The following OTOA variants were observed in gnomAD, a reference collection of about 807,000 sequenced individuals.
OTOA encodes cancer/testis antigen 108.
OTOA carries 70 observed loss-of-function variants against 110.8 expected under a neutral mutation model. That is an observed-to-expected ratio of 0.63 (90% CI 0.52 to 0.77). OTOA has a LOEUF of 0.77. Among genes scored for constraint, OTOA ranks in the 30% least tolerant of loss-of-function variants. The pLI is 0.00. For synonymous variants in OTOA, 373 were observed against 431.5 expected (o/e 0.86, Z 1.68); for missense variants, 917 against 1,075.8 (o/e 0.85, Z 2.06).
intron 9 of OTOA, among the ~76,000 whole-genome samples, chr16:21,695,891 A>ATAT (rs569493650): frequency 6.0e-4 from 25 of 41,898 alleles, no homozygotes; most frequent in South Asian, 1.1e-3. Context: ...ATATATATAT[A>ATAT]TTTTTTTTTT....
At chr16:21,699,777 G>A (rs1260990647) in intron 10 of OTOA, among the ~76,000 whole-genome samples, 1 of 151,958 alleles carries the variant, frequency 6.6e-6, no homozygotes, top group African/African-American at 2.4e-5. Context: ...AAATTAGCCG[G>A]GCATGTTTGC....
chr16:21,707,968 A>G (rs1314334539), intron 12 of OTOA, among the ~76,000 whole-genome samples: 2 of 151,282 alleles, frequency 1.3e-5, no homozygotes, highest in Non-Finnish European at 2.9e-5. Context: ...TATTTATTGT[A>G]TTTGTAGTAG....
Position 21,719,510 on chromosome 16 carries a change from G to T in OTOA, c.1806+6G>T. Reference sequence around the variant, plus strand: ...CCCTGCTTTCACCCTATCAGGTACCGTTAAAGCATTTTCCAGCTTCTAATT... The same window carrying T: ...CCCTGCTTTCACCCTATCAGGTACCTTTAAAGCATTTTCCAGCTTCTAATT... On this transcript the variant is annotated splice_donor_region_variant and intron_variant, in intron 17 of 28. Coordinates refer to ENST00000646100, the MANE Select transcript of OTOA (RefSeq NM_144672.4). The T allele has an allele frequency of 6.2e-7, 1 of 1,611,712 alleles. No homozygotes were observed.
At chr16:21,705,105 T>C in intron 11 of OTOA, 64 bp from the exon 12 acceptor site, 1 of 1,612,674 alleles carries the variant, frequency 6.2e-7, no homozygotes, top group Non-Finnish European at 8.5e-7. Flanking sequence ...TTACACAAAA[T>C]TGAACCAGAA....
chr16:21,723,995 A>C (rs1043715875), intron 18 of OTOA, among the ~76,000 whole-genome samples: 1 of 152,120 alleles, frequency 6.6e-6, no homozygotes, highest in African/African-American at 2.4e-5. Context: ...TCTGTATTGC[A>C]CCCCTGGAGC....
At chr16:21,678,631 T>A (rs1966867956) in intron 2 of OTOA, 26 bp downstream of exon 2, 1 of 1,592,752 alleles carries the variant, frequency 6.3e-7, no homozygotes, top group Non-Finnish European at 8.6e-7. Flanking sequence ...AGAATCACCC[T>A]TTGTGGTTTC....
In OTOA at chr16:21,705,183, T is replaced by C. The variant is rs371751114; in HGVS notation, c.995T>C (p.Val332Ala). Residue 332 changes from valine to alanine, a missense_variant, in exon 12 of 29, where the codon GTT becomes GCT. Around this residue, in one of 6 missense-constraint regions of OTOA, gnomAD observed 840 missense variants for 910.2 expected, o/e 0.92. Transcript: ENST00000646100. ...TTCTCACACAGGCTGGGGCTGCTGG[T>C]TTGTTTCTACAATGACCTGGAATTG... ...TSTIHRLGLL[V>A]CFYNDLELLD... 27 of 1,614,054 alleles carry C rather than the reference T, an allele frequency of 1.7e-5. No homozygotes were observed. In the African/African-American group the frequency reaches 2.9e-4, roughly 18 times the overall value.
chr16:21,712,992 C>T (rs777998019), intron 13 of OTOA, among the ~76,000 whole-genome samples: 21 of 152,054 alleles, frequency 1.4e-4, no homozygotes, highest in Non-Finnish European at 2.9e-4. Context: ...GAGACAGGTT[C>T]TCACTATGTT....
At chr16:21,687,831 A>G (rs1329824046) in intron 8 of OTOA, among the ~76,000 whole-genome samples, 183 bp downstream of exon 8, 3 of 151,488 alleles carry the variant, frequency 2.0e-5, no homozygotes, top group African/African-American at 7.3e-5. Flanking sequence ...CACCCGACTA[A>G]TTTTTGTATT....
At chr16:21,737,889 A>G (rs1238161554) in intron 22 of OTOA, among the ~76,000 whole-genome samples, 1 of 152,308 alleles carries the variant, frequency 6.6e-6, no homozygotes. Flanking sequence ...TGAGGAGACA[A>G]AGTTAATCAC....
rs771965568 is a variant in OTOA, at chr16:21,719,483, C to T, written c.1785C>T (p.Phe595=). ...LAHFQDFQNN[F]ALLSPYQVNC... ...ATTTCCAGGATTTTCAGAACAACTTCGCCCTGCTTTCACCCTATCAGGTAC... is the reference window on the plus strand; with the variant it reads ...ATTTCCAGGATTTTCAGAACAACTTTGCCCTGCTTTCACCCTATCAGGTAC... Residue 595 remains phenylalanine, a synonymous_variant, in exon 17 of 29, where the codon TTC becomes TTT. Transcript: ENST00000646100. 1.4e-5 allele frequency: 22 copies of T among 1,614,056 alleles called. No individual in the cohort carries two copies. Among genetic ancestry groups the T allele is most frequent in the African/African-American group, 5.3e-5 (4 of 75,038 alleles).
At chr16:21,728,501 T>C in intron 20 of OTOA, 70 bp downstream of exon 20, 4 of 1,535,470 alleles carry the variant, frequency 2.6e-6, no homozygotes, top group Non-Finnish European at 2.7e-6. Context: ...ACCTTGGCTC[T>C]CCTGCCCTGC....
intron 10 of OTOA, among the ~76,000 whole-genome samples, chr16:21,699,778 G>T (rs1735113175): frequency 1.3e-5 from 2 of 152,050 alleles, no homozygotes; most frequent in South Asian, 4.1e-4. Flanking sequence ...AATTAGCCGG[G>T]CATGTTTGCA....
intron 6 of OTOA, among the ~76,000 whole-genome samples, chr16:21,682,568 G>A (rs1966913339): frequency 6.6e-6 from 1 of 152,194 alleles, no homozygotes; most frequent in Admixed American, 6.5e-5. Context: ...TGCCTTAAGG[G>A]GCAATAGGGC....
At chr16:21,727,413 C>T (rs1235244944) in intron 19 of OTOA, among the ~76,000 whole-genome samples, 2 of 152,184 alleles carry the variant, frequency 1.3e-5, no homozygotes, top group Non-Finnish European at 2.9e-5. Flanking sequence ...AGCCTTGCCA[C>T]TAGCTGGCAG....
chr16:21,694,747 G>T (rs1897897916), intron 9 of OTOA, among the ~76,000 whole-genome samples: 1 of 152,146 alleles, frequency 6.6e-6, no homozygotes, highest in Non-Finnish European at 1.5e-5. Context: ...CTGGAGGATG[G>T]GGAATGCCAA....
intron 1 of OTOA, among the ~76,000 whole-genome samples, chr16:21,667,355 A>G (rs1230306527): frequency 6.6e-6 from 1 of 152,240 alleles, no homozygotes; most frequent in Non-Finnish European, 1.5e-5. Context: ...AATCTGTATT[A>G]AAGAATGCTG....
At chr16:21,734,338 T>C (rs1438994697) in intron 21 of OTOA, among the ~76,000 whole-genome samples, 1 of 148,996 alleles carries the variant, frequency 6.7e-6, no homozygotes, top group Non-Finnish European at 1.5e-5. Flanking sequence ...CGTTGTCACA[T>C]AGAATGGAAC....
At chr16:21,751,786 C>T (rs547713047) in intron 24 of OTOA, 149 bp from the exon 25 acceptor site, 11 of 313,294 alleles carry the variant, frequency 3.5e-5, no homozygotes, top group African/African-American at 2.2e-4. Flanking sequence ...AACTTGGATG[C>T]AGAGGCCAGG....
Sources: gnomAD v4.1 joint callset for allele counts (sites outside exome capture counted in the v4.1 genomes callset) on GRCh38, gnomAD v4.1.1 for gene constraint, gnomAD v4.1.1 regional missense constraint, MANE v1.5 for transcripts, NCBI Gene and HGNC (gene_info 2026-07-23, HGNC 2026-07-21) for gene names.